Variants in THAP5 observed in about 807,000 individuals in gnomAD.
The protein encoded by THAP5 is THAP domain-containing protein 5.
A neutral mutation model predicts 34.0 loss-of-function variants in THAP5; 26 were observed. That is an observed-to-expected ratio of 0.77 (90% CI 0.56 to 1.06). The LOEUF (loss-of-function observed/expected upper bound fraction) is 1.06, where lower values mean the gene tolerates loss of function less well. Ranked by LOEUF, THAP5 falls within the 50% of genes least tolerant of loss-of-function variation. THAP5 has a pLI of 0.00. For synonymous variants in THAP5, 125 were observed against 153.0 expected (o/e 0.82, Z 1.35); for missense variants, 394 against 452.8 (o/e 0.87, Z 1.18).
rs560274645 is a variant in THAP5 at position 108,569,658 on chromosome 7, C to T, written c.-89G>A. Reference sequence around the variant, plus strand: ...GGATGCGCCACAGGTCCAGGCCTCTCGAGCCCCTGCGCCTGCGCTAGCATT... The same window carrying T: ...GGATGCGCCACAGGTCCAGGCCTCTTGAGCCCCTGCGCCTGCGCTAGCATT... On this transcript the variant is annotated 5_prime_UTR_variant, in exon 1 of 3. Coordinates refer to ENST00000415914, the MANE Select transcript of THAP5 (RefSeq NM_001130475.3). 1.8e-5 allele frequency: 26 copies of T among 1,482,962 alleles called. No homozygotes were observed. The South Asian group carries it at 2.7e-4, about 15-fold the overall frequency. The allele number at this position is 1,482,962 out of a possible 1,614,324, so 91.9% of individuals were successfully genotyped here. A position where few individuals can be genotyped will look rare whatever the true frequency, so the allele number is the denominator to read the frequency against.
intron 1 of THAP5, among the ~76,000 whole-genome samples, chr7:108,568,872 G>A (rs1318198241): frequency 6.6e-6 from 1 of 152,146 alleles, no homozygotes; most frequent in Non-Finnish European, 1.5e-5. Context: ...CTGTACTTCT[G>A]AATAAAAATC....
chr7:108,551,110 A>C (rs961196021), downstream of THAP5, among the ~76,000 whole-genome samples: 1 of 152,178 alleles, frequency 6.6e-6, no homozygotes, highest in African/African-American at 2.4e-5. Flanking sequence ...CTTTGCTCAG[A>C]AAGAACATGA....
At chr7:108,542,905 CT>C in the THAP5 span, among the ~76,000 whole-genome samples, 84 of 149,458 alleles carry the variant, frequency 5.6e-4, no homozygotes, top group African/African-American at 1.8e-3. Flanking sequence ...AGGCTCAAAA[CT>C]TTTTTTTTTA....
chr7:108,555,682 G>A (rs1864380675), intron 1 of THAP5, among the ~76,000 whole-genome samples: 1 of 150,256 alleles, frequency 6.7e-6, no homozygotes, highest in East Asian at 2.0e-4. Flanking sequence ...GAAAGGTGAA[G>A]GGGAAGCAAG....
intron 1 of THAP5, among the ~76,000 whole-genome samples, chr7:108,568,936 C>T (rs999808637): frequency 1.3e-5 from 2 of 152,094 alleles, no homozygotes; most frequent in Non-Finnish European, 2.9e-5. Context: ...TTCAGAGTAA[C>T]AGAATAAAAC....
the THAP5 span, among the ~76,000 whole-genome samples, chr7:108,544,571 T>C: frequency 2.6e-5 from 4 of 151,166 alleles, no homozygotes; most frequent in African/African-American, 7.3e-5. Flanking sequence ...GTCATTGATA[T>C]AGAATAGGTA....
chr7:108,561,475 G>T (rs1864430567), downstream of THAP5, among the ~76,000 whole-genome samples: 1 of 150,400 alleles, frequency 6.6e-6, no homozygotes, highest in African/African-American at 2.5e-5. Context: ...CACCATGTTG[G>T]CTAGGCTAGT....
the THAP5 span, among the ~76,000 whole-genome samples, chr7:108,543,149 G>A: frequency 3.4e-3 from 512 of 151,302 alleles, 22 homozygotes; most frequent in East Asian, 0.062. Flanking sequence ...GGATTGTCTC[G>A]ATCTCCTGAC....
At chr7:108,569,465 C>T (rs1790563263) in intron 1 of THAP5, 25 bp downstream of exon 1, 1 of 1,551,410 alleles carries the variant, frequency 6.4e-7, no homozygotes, top group Admixed American at 2.0e-5. Flanking sequence ...GCGAGGCTGA[C>T]GCTTCTGCTC....
the THAP5 span, among the ~76,000 whole-genome samples, chr7:108,548,422 A>G: frequency 1.3e-5 from 2 of 152,356 alleles, no homozygotes; most frequent in East Asian, 1.9e-4. Context: ...GATGATAGAA[A>G]TGATAATAGG....
Position 108,569,633 on chromosome 7 carries a change from G to A in THAP5, c.-64C>T, listed in dbSNP as rs1342999092. ...GATGCAGGGCGGCCCTCCTCACTGA[G>A]GATGCGCCACAGGTCCAGGCCTCTC... On this transcript the variant is annotated 5_prime_UTR_variant, in exon 1 of 3. Coordinates refer to ENST00000415914, the MANE Select transcript of THAP5 (RefSeq NM_001130475.3). 13 of 1,539,756 alleles carry A rather than the reference G, an allele frequency of 8.4e-6. No homozygotes were observed. The highest frequency in any genetic ancestry group is 1.1e-5 in the Non-Finnish European group (13 of 1,142,282).
chr7:108,557,904 G>A (rs1053083915), downstream of THAP5, among the ~76,000 whole-genome samples: 3 of 152,174 alleles, frequency 2.0e-5, no homozygotes, highest in Admixed American at 6.5e-5. Flanking sequence ...AGGTTTAATT[G>A]TCTCACAGTT....
At chr7:108,549,367 G>T in the THAP5 span, among the ~76,000 whole-genome samples, 1 of 152,078 alleles carries the variant, frequency 6.6e-6, no homozygotes, top group Non-Finnish European at 1.5e-5. Context: ...TGATCCGCCC[G>T]CCTCGGCCTC....
the THAP5 span, among the ~76,000 whole-genome samples, chr7:108,546,546 G>C: frequency 6.6e-6 from 1 of 152,138 alleles, no homozygotes; most frequent in South Asian, 2.1e-4. Context: ...AATCGTAAGG[G>C]GACGAGGAGG....
Position 108,565,973 on chromosome 7 carries a change from T to G in THAP5, c.130A>C (p.Lys44Gln). ...ERLEKWLKNM[K>Q]RDSWVPSKYQ... ...TTACTGGGAACCCATGAATCTCGCT[T>G]CATATTCTTTAACCACTTTTCCAGT... is the stretch of plus-strand genomic sequence containing the variant. The change falls in exon 2 of 3, where the codon AAG becomes CAG. Residue 44 changes from lysine (K) to glutamine (Q), a missense_variant. Transcript: ENST00000415914. 1.3e-6 allele frequency: 2 copies of G among 1,548,952 alleles called. No homozygotes were observed. Among genetic ancestry groups the G allele is most frequent in the African/African-American group, 1.4e-5 (1 of 72,986 alleles).
At chr7:108,542,634 T>C in the THAP5 span, among the ~76,000 whole-genome samples, 1 of 152,160 alleles carries the variant, frequency 6.6e-6, no homozygotes, top group African/African-American at 2.4e-5. Context: ...AGCTAATTTT[T>C]GTTTTATTGG....
At chr7:108,542,298 G>A in the THAP5 span, among the ~76,000 whole-genome samples, 1 of 152,110 alleles carries the variant, frequency 6.6e-6, no homozygotes, top group African/African-American at 2.4e-5. Context: ...TGGTAAAGAT[G>A]TTTGCCTCCA....
downstream of THAP5, among the ~76,000 whole-genome samples, chr7:108,551,142 CTA>C (rs1864351271): frequency 6.6e-6 from 1 of 152,156 alleles, no homozygotes; most frequent in South Asian, 2.1e-4. Context: ...GTTCTTTCCC[CTA>C]TGTTTTCTTA....
At chr7:108,558,430 C>T (rs1285940664), downstream of THAP5, among the ~76,000 whole-genome samples, 1 of 107,174 alleles carries the variant, frequency 9.3e-6, no homozygotes, top group African/African-American at 3.9e-5. Flanking sequence ...CAGAGTCTTG[C>T]TCTGTCACCC....
Sources: allele counts gnomAD v4.1 joint callset (sites outside exome capture counted in the v4.1 genomes callset), GRCh38; gene constraint gnomAD v4.1.1; transcripts MANE v1.5; gene names NCBI Gene and HGNC (gene_info 2026-07-23, HGNC 2026-07-21).